SPIDR: variants seen among roughly 807,000 people sequenced by gnomAD.
SPIDR encodes scaffold protein involved in DNA repair.
SPIDR carries 93 observed loss-of-function variants against 104.6 expected under a neutral mutation model. That is an observed-to-expected ratio of 0.89 (90% CI 0.75 to 1.06). The LOEUF (loss-of-function observed/expected upper bound fraction) is 1.06, where lower values mean the gene tolerates loss of function less well. SPIDR is among the 50% of genes least tolerant of loss of function. SPIDR has a pLI of 0.00. For missense variants in SPIDR, 1,154 were observed against 1,111.2 expected, an observed-to-expected ratio of 1.04 and a Z score of -0.55; for synonymous variants, 431 against 416.9, an observed-to-expected ratio of 1.03 and a Z score of -0.41.
At chr8:47,347,223 G>T (rs2052310027) in intron 5 of SPIDR, among the ~76,000 whole-genome samples, 1 of 152,178 alleles carries the variant, frequency 6.6e-6, no homozygotes, top group African/African-American at 2.4e-5. Flanking sequence ...TCATTCAGGA[G>T]CAGGTTGTTC....
chr8:47,468,299 A>G (rs1031705376), intron 8 of SPIDR, among the ~76,000 whole-genome samples: 1 of 152,250 alleles, frequency 6.6e-6, no homozygotes, highest in Non-Finnish European at 1.5e-5. Context: ...ACAGATTTCA[A>G]TACTATTCCT....
chr8:47,403,855 C>G (rs1020611475), intron 6 of SPIDR, among the ~76,000 whole-genome samples: 2 of 151,980 alleles, frequency 1.3e-5, no homozygotes, highest in African/African-American at 2.4e-5. Flanking sequence ...AAAAATACTT[C>G]AAAGTTCATA....
At chr8:47,684,019 A>G (rs62539147) in intron 11 of SPIDR, among the ~76,000 whole-genome samples, 73,343 of 150,800 alleles carry the variant, frequency 0.49, 19,841 homozygotes, top group East Asian at 0.66. Context: ...CCAGCTACTC[A>G]GTAGGCTGAG....
At chr8:47,578,118 A>C (rs1172269420) in intron 8 of SPIDR, among the ~76,000 whole-genome samples, 1 of 152,214 alleles carries the variant, frequency 6.6e-6, no homozygotes, top group Non-Finnish European at 1.5e-5. Context: ...TACACTATGC[A>C]CTTCACTTGT....
chr8:47,685,517 A>ATTTTTTTTTTTT lies in SPIDR; in HGVS notation c.1685+11583_1685+11584insTTTTTTTTTTTT, dbSNP rs370526185. On this transcript the variant is annotated intron_variant, in intron 11 of 19. Transcript: ENST00000297423. ...TATTTATTTATTTATTTATTTATTT[A>ATTTTTTTTTTTT]TTTTTTTGAGACAGTCTCTCTCTGT... 8.1e-4 allele frequency among the ~76,000 whole-genome samples: 106 copies of ATTTTTTTTTTTT among 130,156 alleles called. 2 individuals are homozygous for ATTTTTTTTTTTT. Among genetic ancestry groups the ATTTTTTTTTTTT allele is most frequent in the Middle Eastern group, 7.8e-3 (2 of 258 alleles). 85.4% of individuals were successfully genotyped at this position (130,156 alleles called of 152,430 possible).
intron 8 of SPIDR, among the ~76,000 whole-genome samples, chr8:47,538,758 CAT>C (rs2087455934): frequency 1.3e-5 from 2 of 151,088 alleles, no homozygotes; most frequent in African/African-American, 4.9e-5. Flanking sequence ...TAAATTGAAT[CAT>C]ATTTTTCTCT....
intron 6 of SPIDR, among the ~76,000 whole-genome samples, chr8:47,405,951 G>A (rs1329283831): frequency 7.2e-5 from 11 of 152,118 alleles, no homozygotes; most frequent in African/African-American, 2.4e-4. Flanking sequence ...TTTTTCTGAG[G>A]GCTCCAGATA....
chr8:47,631,431 G>A (rs903797140), intron 10 of SPIDR, among the ~76,000 whole-genome samples: 2 of 152,182 alleles, frequency 1.3e-5, no homozygotes, highest in Non-Finnish European at 2.9e-5. Context: ...CTTACCTCCT[G>A]GTGGTTGCAT....
intron 8 of SPIDR, among the ~76,000 whole-genome samples, chr8:47,533,931 C>T (rs1438881545): frequency 6.6e-6 from 1 of 152,186 alleles, no homozygotes; most frequent in African/African-American, 2.4e-5. Context: ...TAAGGTTTGG[C>T]TCTGTGTCCC....
chr8:47,303,446 A>C (rs2042576551), intron 5 of SPIDR, among the ~76,000 whole-genome samples: 1 of 152,146 alleles, frequency 6.6e-6, no homozygotes, highest in Non-Finnish European at 1.5e-5. Flanking sequence ...CACTGCACCC[A>C]GTGTGCTGCA....
At chr8:47,384,232 A>G (rs984100841) in intron 5 of SPIDR, among the ~76,000 whole-genome samples, 4 of 152,196 alleles carry the variant, frequency 2.6e-5, no homozygotes, top group Non-Finnish European at 5.9e-5. Context: ...CAAAACATCA[A>G]TGTTTCTGGT....
At chr8:47,652,237 G>T (rs980042969) in intron 10 of SPIDR, among the ~76,000 whole-genome samples, 2 of 152,186 alleles carry the variant, frequency 1.3e-5, no homozygotes, top group Admixed American at 1.3e-4. Flanking sequence ...TGGCAGGAAG[G>T]TTGGCAGGAA....
At chr8:47,582,186 C>G (rs899246777) in intron 8 of SPIDR, among the ~76,000 whole-genome samples, 1 of 149,866 alleles carries the variant, frequency 6.7e-6, no homozygotes, top group Non-Finnish European at 1.5e-5. Flanking sequence ...CAGCACTGCA[C>G]TCCAGCCTGG....
At chr8:47,552,408 G>A (rs1464790271) in intron 8 of SPIDR, among the ~76,000 whole-genome samples, 1 of 152,130 alleles carries the variant, frequency 6.6e-6, no homozygotes, top group African/African-American at 2.4e-5. Flanking sequence ...GGGAGTCTAA[G>A]TCTCTTTATA....
intron 5 of SPIDR, among the ~76,000 whole-genome samples, chr8:47,378,275 A>T (rs1282695522): frequency 6.6e-6 from 1 of 152,220 alleles, no homozygotes; most frequent in African/African-American, 2.4e-5. Flanking sequence ...AATTCCCAAC[A>T]GTATATTAAA....
At chr8:47,369,064 T>A (rs1380812865) in intron 5 of SPIDR, among the ~76,000 whole-genome samples, 1 of 152,186 alleles carries the variant, frequency 6.6e-6, no homozygotes, top group Non-Finnish European at 1.5e-5. Flanking sequence ...ACATAGAAAC[T>A]AGAAGCTTAT....
chr8:47,682,410 G>A (rs1007773239), intron 11 of SPIDR, among the ~76,000 whole-genome samples: 1 of 152,148 alleles, frequency 6.6e-6, no homozygotes, highest in Non-Finnish European at 1.5e-5. Flanking sequence ...AATGGGGTTG[G>A]GGTCTACTTT....
rs1338307454 is a variant in SPIDR, at chr8:47,679,595, C to T, written c.1685+5654C>T. Among the ~76,000 whole-genome samples, 4 of 151,682 alleles carry T rather than the reference C, an allele frequency of 2.6e-5. No homozygotes were observed. In the East Asian group the frequency reaches 5.8e-4, roughly 22 times the overall value. ...CCATGTGCCCGCCTGCCTCCATCCC[C>T]TCCAGTGCTGGCCTGTGCCATGTGC... On this transcript the variant is annotated intron_variant, in intron 11 of 19. Coordinates refer to ENST00000297423, the MANE Select transcript of SPIDR (RefSeq NM_001080394.4).
At chr8:47,474,798 A>G (rs535400064) in intron 8 of SPIDR, among the ~76,000 whole-genome samples, 1 of 152,376 alleles carries the variant, frequency 6.6e-6, no homozygotes, top group East Asian at 1.9e-4. Context: ...TCTCTTTTGT[A>G]GAATGTCAGT....
Sources: allele counts gnomAD v4.1 joint callset (sites outside exome capture counted in the v4.1 genomes callset), GRCh38; gene constraint gnomAD v4.1.1; transcripts MANE v1.5; gene names NCBI Gene and HGNC (gene_info 2026-07-23, HGNC 2026-07-21).